The following NOVA1 variants were observed in gnomAD, a reference collection of about 807,000 sequenced individuals.
NOVA1 encodes RNA-binding protein Nova-1.
In NOVA1, 7 loss-of-function variants were observed where a neutral mutation model predicts 38.0. The observed-to-expected ratio is 0.18, with a 90% confidence interval of 0.10 to 0.35. The LOEUF (loss-of-function observed/expected upper bound fraction) is 0.35. Ranked by LOEUF, NOVA1 falls within the 10% of genes least tolerant of loss-of-function variation. The pLI, the probability that NOVA1 is intolerant of heterozygous loss-of-function variation, is 1.00. For missense variants in NOVA1, 460 were observed against 616.0 expected, an observed-to-expected ratio of 0.75 and a Z score of 2.68; for synonymous variants, 270 against 232.5, an observed-to-expected ratio of 1.16 and a Z score of -1.47.
intron 2 of NOVA1, among the ~76,000 whole-genome samples, chr14:26,554,920 T>C (rs1324717076): frequency 6.6e-6 from 1 of 152,268 alleles, no homozygotes; most frequent in South Asian, 2.1e-4. Flanking sequence ...TTTGTCTATT[T>C]GTAAACAGTA....
chr14:26,585,440 T>A (rs1893458044), intron 2 of NOVA1, among the ~76,000 whole-genome samples: 1 of 151,428 alleles, frequency 6.6e-6, no homozygotes, highest in East Asian at 1.9e-4. Context: ...AAGTCACATG[T>A]TAACTTCCCC....
intron 4 of NOVA1, among the ~76,000 whole-genome samples, chr14:26,459,155 C>A (rs981173702): frequency 1.3e-5 from 2 of 151,928 alleles, no homozygotes; most frequent in African/African-American, 4.8e-5. Flanking sequence ...TCAGCAAATT[C>A]TATTCATGGT....
At chr14:26,549,811 C>A (rs957110592) in intron 2 of NOVA1, 2 of 1,165,376 alleles carry the variant, frequency 1.7e-6, no homozygotes, top group African/African-American at 3.2e-5. Flanking sequence ...TAAACAGTTG[C>A]TGCGTTCCAC....
intron 2 of NOVA1, among the ~76,000 whole-genome samples, chr14:26,495,094 TTCTC>T (rs1566476757): frequency 6.6e-6 from 1 of 151,432 alleles, no homozygotes; most frequent in African/African-American, 2.5e-5. Context: ...GCCACACTTA[TTCTC>T]TCTTAGGCCT....
intron 2 of NOVA1, among the ~76,000 whole-genome samples, chr14:26,586,123 A>C (rs1302709639): frequency 6.6e-6 from 1 of 151,354 alleles, no homozygotes; most frequent in Non-Finnish European, 1.5e-5. Context: ...AGTGGACCTT[A>C]ATCCAATTAC....
At chr14:26,546,135 A>G (rs1179110114) in intron 2 of NOVA1, among the ~76,000 whole-genome samples, 1 of 152,090 alleles carries the variant, frequency 6.6e-6, no homozygotes, top group Admixed American at 6.5e-5. Flanking sequence ...TTCATTTTTA[A>G]TTCTAAAACA....
At chr14:26,475,376 T>C (rs1884901981) in intron 3 of NOVA1, among the ~76,000 whole-genome samples, 2 of 152,194 alleles carry the variant, frequency 1.3e-5, no homozygotes, top group Non-Finnish European at 2.9e-5. Flanking sequence ...ATCCATTTAC[T>C]GTACAGAGTT....
chr14:26,512,091 T>TA (rs1041032458), intron 2 of NOVA1, among the ~76,000 whole-genome samples: 35 of 152,304 alleles, frequency 2.3e-4, no homozygotes, highest in African/African-American at 7.2e-4. Flanking sequence ...TACTGCTATA[T>TA]AATGTAAAGA....
intron 2 of NOVA1, among the ~76,000 whole-genome samples, chr14:26,489,389 T>C (rs1233281166): frequency 6.6e-6 from 1 of 152,028 alleles, no homozygotes; most frequent in East Asian, 1.9e-4. Context: ...CAAATAAATG[T>C]AGAGGTAGGA....
chr14:26,591,130 T>C lies in NOVA1; in HGVS notation c.280+4280A>G, dbSNP rs1237057068. Among the ~76,000 whole-genome samples, 5 of 151,760 alleles carry C rather than the reference T, an allele frequency of 3.3e-5. No individual in the cohort carries two copies. The East Asian group carries it at 9.7e-4, about 29-fold the overall frequency. ...TTCCTTCATATGTTAAGATTTCCTA[T>C]TGCTTAAAGTAAGAAAATAAAGTAT... On this transcript the variant is annotated intron_variant, in intron 2 of 4. Transcript: ENST00000539517.
chr14:26,479,657 T>TA, intron 3 of NOVA1: 1 of 321,342 alleles, frequency 3.1e-6, no homozygotes, highest in Non-Finnish European at 5.6e-6. Context: ...ATACTTTATT[T>TA]AAAAAGTGAT....
chr14:26,513,727 A>T (rs1415798722), intron 2 of NOVA1, among the ~76,000 whole-genome samples: 1 of 151,798 alleles, frequency 6.6e-6, no homozygotes, highest in East Asian at 1.9e-4. Context: ...TATTAATACT[A>T]AAACAAATGA....
chr14:26,541,227 G>A (rs1039735057), intron 2 of NOVA1, among the ~76,000 whole-genome samples: 8 of 151,966 alleles, frequency 5.3e-5, no homozygotes, highest in African/African-American at 1.7e-4. Flanking sequence ...GCAAAGAGAC[G>A]CATAAAAACC....
chr14:26,463,837 G>A (rs958145259), intron 4 of NOVA1, among the ~76,000 whole-genome samples: 7 of 151,952 alleles, frequency 4.6e-5, no homozygotes, highest in African/African-American at 1.7e-4. Flanking sequence ...CTTTCAGGTG[G>A]ACAGTCAATA....
At chr14:26,520,441 C>T (rs996686618) in intron 2 of NOVA1, among the ~76,000 whole-genome samples, 8 of 152,086 alleles carry the variant, frequency 5.3e-5, no homozygotes, top group African/African-American at 9.7e-5. Flanking sequence ...CCTTCTGGCA[C>T]TTAGAAACAC....
chr14:26,576,675 G>T (rs1036291471), intron 2 of NOVA1, among the ~76,000 whole-genome samples: 2 of 151,422 alleles, frequency 1.3e-5, no homozygotes, highest in African/African-American at 4.8e-5. Context: ...TTCTAACAAT[G>T]ATAGATTTTA....
At chr14:26,511,198 A>C (rs1376765368) in intron 2 of NOVA1, among the ~76,000 whole-genome samples, 2 of 152,178 alleles carry the variant, frequency 1.3e-5, no homozygotes, top group East Asian at 3.9e-4. Context: ...TTGCTAATAC[A>C]TACAAGGCTG....
At chr14:26,510,162 G>A (rs1354392921) in intron 2 of NOVA1, among the ~76,000 whole-genome samples, 2 of 152,130 alleles carry the variant, frequency 1.3e-5, no homozygotes, top group East Asian at 1.9e-4. Flanking sequence ...TTGGCTTTAC[G>A]GTGGATTCAT....
intron 1 of NOVA1, chr14:26,595,980 A>C (rs1894161181): frequency 2.7e-6 from 1 of 366,634 alleles, no homozygotes; most frequent in African/African-American, 2.2e-5. Flanking sequence ...AGGACTGTAA[A>C]TAGTGATGAG....
Sources: gnomAD v4.1 joint callset for allele counts (sites outside exome capture counted in the v4.1 genomes callset) on GRCh38, gnomAD v4.1.1 for gene constraint, MANE v1.5 for transcripts, NCBI Gene and HGNC (gene_info 2026-07-23, HGNC 2026-07-21) for gene names.